Variants in TSPAN9 observed in about 807,000 individuals in gnomAD.
TSPAN9 encodes the protein tetraspanin 9.
In TSPAN9, 16 loss-of-function variants were observed where a neutral mutation model predicts 31.0. The ratio of observed to expected loss-of-function variants is 0.52; its 90% CI spans 0.35 to 0.78. The LOEUF (loss-of-function observed/expected upper bound fraction) is 0.78. Among genes scored for constraint, TSPAN9 ranks in the 30% least tolerant of loss-of-function variants. TSPAN9 has a pLI of 0.01. For missense variants in TSPAN9, 272 were observed against 312.5 expected (o/e 0.87, Z 0.98); for synonymous variants, 145 against 121.6 (o/e 1.19, Z -1.27).
intron 3 of TSPAN9, among the ~76,000 whole-genome samples, chr12:3,216,679 C>T (rs754494827): frequency 5.3e-5 from 8 of 152,244 alleles, no homozygotes; most frequent in South Asian, 2.1e-4. Context: ...CCGTTTGTCA[C>T]AGGTGTGGTC....
In TSPAN9 at chr12:3,147,700, T is replaced by C. The variant is rs186083803; in HGVS notation, c.-17-53477T>C. 7.9e-5 allele frequency among the ~76,000 whole-genome samples: 12 copies of C among 152,358 alleles called. No individual in the cohort carries two copies. Among genetic ancestry groups the C allele is most frequent in the Non-Finnish European group, 1.5e-4 (10 of 68,038 alleles). On this transcript the variant is annotated intron_variant, in intron 2 of 8. Transcript: ENST00000011898. This position sits in a 1 kb window ranked among gnomAD's most constrained non-coding sequence, Gnocchi z 4.3. ...CCAAGGAGCTGGATTTTAAATTTTA[T>C]TCAGTTTTAACTTAAAATGGAAATG...
chr12:3,244,640 G>A (rs986602426), intron 3 of TSPAN9, among the ~76,000 whole-genome samples: 1 of 152,198 alleles, frequency 6.6e-6, no homozygotes, highest in Non-Finnish European at 1.5e-5. Flanking sequence ...AGTAGCAGCA[G>A]GTCCCACCAG....
rs557755229 is a variant in TSPAN9 at position 3,216,691 on chromosome 12, G to A, written c.63+15435G>A. On this transcript the variant is annotated intron_variant, in intron 3 of 8. Coordinates refer to ENST00000011898, the MANE Select transcript of TSPAN9 (RefSeq NM_006675.5). Reference sequence around the variant, plus strand: ...AGCCCGTTTGTCACAGGTGTGGTCCGGAGGTGGTTCTGGCTTCCAGATTCA... The same window carrying A: ...AGCCCGTTTGTCACAGGTGTGGTCCAGAGGTGGTTCTGGCTTCCAGATTCA... Among the ~76,000 whole-genome samples, 25 of 152,348 alleles carry A rather than the reference G, an allele frequency of 1.6e-4. No homozygotes were observed. The East Asian group carries it at 4.6e-3, about 28-fold the overall frequency.
chr12:3,116,300 A>G (rs2098322389), intron 2 of TSPAN9, among the ~76,000 whole-genome samples: 1 of 152,212 alleles, frequency 6.6e-6, no homozygotes, highest in African/African-American at 2.4e-5. Context: ...CTGCCTGGAC[A>G]TTTGACCTTA....
At chr12:3,115,318 G>A (rs2098321693) in intron 2 of TSPAN9, among the ~76,000 whole-genome samples, 1 of 152,086 alleles carries the variant, frequency 6.6e-6, no homozygotes, top group African/African-American at 2.4e-5. Flanking sequence ...TTGTTTATCT[G>A]TACCCATTCG....
chr12:3,089,201 C>T (rs181469700), intron 2 of TSPAN9, among the ~76,000 whole-genome samples: 315 of 147,660 alleles, frequency 2.1e-3, no homozygotes, highest in African/African-American at 7.7e-3. Flanking sequence ...CACTGCACTC[C>T]AGCCTGGGTG....
rs112381152 is a variant in TSPAN9 at position 3,170,564 on chromosome 12, A to G, written c.-17-30613A>G. Among the ~76,000 whole-genome samples the G allele has an allele frequency of 3.1e-3, 459 of 149,722 alleles. 2 individuals are homozygous for G. The highest frequency in any genetic ancestry group is 0.011 in the African/African-American group (441 of 40,982). Reference sequence around the variant, plus strand: ...GATCTGGTGGATGTGCGTGGCGTAGATAAGAGATCACTGAGTCAGTTCTGT... The same window carrying G: ...GATCTGGTGGATGTGCGTGGCGTAGGTAAGAGATCACTGAGTCAGTTCTGT... On this transcript the variant is annotated intron_variant, in intron 2 of 8. Coordinates refer to ENST00000011898, the MANE Select transcript of TSPAN9 (RefSeq NM_006675.5). The surrounding 1 kb of genome is among the most constrained non-coding windows in gnomAD (Gnocchi z 4.4).
chr12:3,195,348 A>G (rs1446513781), intron 2 of TSPAN9, among the ~76,000 whole-genome samples: 1 of 152,220 alleles, frequency 6.6e-6, no homozygotes, highest in Non-Finnish European at 1.5e-5. Context: ...GCCAACCAGC[A>G]GAGATGTGGC....
At chr12:3,270,263 G>A (rs1379561287) in intron 3 of TSPAN9, among the ~76,000 whole-genome samples, 2 of 152,196 alleles carry the variant, frequency 1.3e-5, no homozygotes, top group African/African-American at 4.8e-5. Flanking sequence ...TGGGGATGGG[G>A]TATAGATGGA....
intron 3 of TSPAN9, among the ~76,000 whole-genome samples, chr12:3,243,745 G>A (rs1292333935): frequency 1.3e-5 from 2 of 152,188 alleles, no homozygotes; most frequent in Non-Finnish European, 2.9e-5. Context: ...GGAGGGCCAT[G>A]TAGGCCCCAT....
chr12:3,179,357 C>G (rs1467228532), intron 2 of TSPAN9, among the ~76,000 whole-genome samples: 2 of 152,162 alleles, frequency 1.3e-5, no homozygotes, highest in South Asian at 2.1e-4. Flanking sequence ...GTCACCTGTT[C>G]CCGTCTTTAA....
At position 3,282,640 on chromosome 12, in the gene TSPAN9, C is replaced by A. The variant is rs181025843; in HGVS notation, c.649-405C>A. Among the ~76,000 whole-genome samples the A allele has an allele frequency of 2.2e-4, 34 of 152,320 alleles. No homozygotes were observed. In the East Asian group the frequency reaches 6.4e-3, roughly 29 times the overall value. ...ATCTCAAGCCATCCTCCCACCTTGG[C>A]CTCCTAAAGTGCCACCGTGCCCGGC... On this transcript the variant is annotated intron_variant, in intron 8 of 8. Coordinates refer to ENST00000011898, the MANE Select transcript of TSPAN9 (RefSeq NM_006675.5).
intron 2 of TSPAN9, among the ~76,000 whole-genome samples, chr12:3,092,748 A>G (rs2098305503): frequency 6.6e-6 from 1 of 152,254 alleles, no homozygotes; most frequent in African/African-American, 2.4e-5. Context: ...TGTCCCCGTA[A>G]GGACAAGGAT....
rs970895826 is a variant in TSPAN9 at position 3,096,842 on chromosome 12, G to A, written c.-18+13123G>A. On this transcript the variant is annotated intron_variant, in intron 2 of 8. Transcript: ENST00000011898. ...CGAGTAGCTGGGACTACAGGTGCCC[G>A]CCACCACGCCCGGCTAATTTTGTTT... Among the ~76,000 whole-genome samples the A allele has an allele frequency of 3.3e-5, 5 of 151,990 alleles. 1 individual carries two copies. The highest frequency in any genetic ancestry group is 2.6e-4 in the Admixed American group (4 of 15,256).
intron 2 of TSPAN9, among the ~76,000 whole-genome samples, chr12:3,103,480 C>T (rs1003649923): frequency 1.2e-4 from 17 of 141,590 alleles, no homozygotes; most frequent in African/African-American, 4.7e-4. Flanking sequence ...AGTGGTGAAT[C>T]GGACTGGACG....
chr12:3,181,838 C>G (rs767417934), intron 2 of TSPAN9, among the ~76,000 whole-genome samples: 1 of 152,142 alleles, frequency 6.6e-6, no homozygotes, highest in South Asian at 2.1e-4. Flanking sequence ...CTTCTCCTTG[C>G]TCCTTTGCTG....
At chr12:3,094,492 T>C (rs2098306736) in intron 2 of TSPAN9, among the ~76,000 whole-genome samples, 1 of 152,068 alleles carries the variant, frequency 6.6e-6, no homozygotes. Flanking sequence ...ATATCTGTTT[T>C]TTTGGGTGGT....
Position 3,280,233 on chromosome 12 carries a change from C to G in TSPAN9, c.331-149C>G, listed in dbSNP as rs1000647102. ...CTGTTGGGCCAGCAGAGGCCCCCAC[C>G]CCAGTGGGCAGGGCCTTCCAGACCA... On this transcript the variant is annotated intron_variant, in intron 5 of 8. Coordinates refer to ENST00000011898, the MANE Select transcript of TSPAN9 (RefSeq NM_006675.5). The surrounding 1 kb of genome is among the most constrained non-coding windows in gnomAD (Gnocchi z 4.5). 3 of 676,830 alleles carry G rather than the reference C, an allele frequency of 4.4e-6. No homozygotes were observed. In the African/African-American group the frequency reaches 5.4e-5, roughly 12 times the overall value. The allele number at this position is 676,830 out of a possible 1,614,324, so 41.9% of individuals were successfully genotyped here.
chr12:3,200,552 CTCCCT>C (rs2098370900), intron 2 of TSPAN9: 1 of 152,466 alleles, frequency 6.6e-6, no homozygotes, highest in Non-Finnish European at 1.5e-5. Flanking sequence ...CGGTGCCCTT[CTCCCT>C]CGTGTGGAGC....
Sources: gnomAD v4.1 joint callset for allele counts (sites outside exome capture counted in the v4.1 genomes callset) on GRCh38, gnomAD v4.1.1 for gene constraint, Gnocchi (gnomAD v3.1) non-coding constraint, MANE v1.5 for transcripts, NCBI Gene and HGNC (gene_info 2026-07-23, HGNC 2026-07-21) for gene names.